Variants in MGA observed in about 807,000 individuals in gnomAD.
MGA encodes the protein MAX dimerization protein MGA.
In MGA, 40 loss-of-function variants were observed where a neutral mutation model predicts 261.1. The ratio of observed to expected loss-of-function variants is 0.15; its 90% CI spans 0.12 to 0.20. MGA has a LOEUF of 0.20. MGA is among the 10% of genes least tolerant of loss of function. The probability of loss-of-function intolerance (pLI) is 1.00; values close to 1 mark genes in which losing one functional copy is unlikely to be tolerated. For synonymous variants in MGA, 1,302 were observed against 1,290.6 expected, an observed-to-expected ratio of 1.01 and a Z score of -0.19; for missense variants, 3,397 against 3,630.5, an observed-to-expected ratio of 0.94 and a Z score of 1.65.
chr15:41,633,283 G>A (rs1365727222), intron 1 of MGA, among the ~76,000 whole-genome samples: 1 of 151,604 alleles, frequency 6.6e-6, no homozygotes, highest in African/African-American at 2.4e-5. Context: ...ATTACTATAT[G>A]CCAGGCATTG....
chr15:41,655,264 C>T (rs908664406), intron 1 of MGA, among the ~76,000 whole-genome samples: 3 of 151,454 alleles, frequency 2.0e-5, no homozygotes, highest in South Asian at 2.1e-4. Context: ...CTGCAACCTC[C>T]GCCTCCTGAG....
chr15:41,750,234 G>C lies in MGA; in HGVS notation c.6627G>C (p.Gln2209His), dbSNP rs751578848. ...TAATTAAAGAAACAAAGACATGTCA[G>C]GAAAATTCAGATGTGTTTCAGCAAG... Residue 2209 changes from glutamine (Q) to histidine (H), a missense_variant, in exon 17 of 24, where the codon CAG becomes CAC. Gln to His is a conservative substitution (Grantham distance 24). This residue lies in a region of MGA where 1,410 missense variants were observed against 1,386.4 expected (regional missense o/e 1.02). Transcript: ENST00000219905. The C allele has an allele frequency of 1.2e-6, 2 of 1,613,808 alleles. No individual in the cohort carries two copies. The highest frequency in any genetic ancestry group is 1.7e-6 in the Non-Finnish European group (2 of 1,179,890).
At chr15:41,703,368 A>ATCCC (rs529304989) in intron 5 of MGA, among the ~76,000 whole-genome samples, 1 of 93,250 alleles carries the variant, frequency 1.1e-5, no homozygotes, top group Non-Finnish European at 2.1e-5. Context: ...TTGTGAAGTT[A>ATCCC]CCCCCCCCCC....
At chr15:41,716,758 C>T (rs1037496905) in intron 9 of MGA, among the ~76,000 whole-genome samples, 1 of 152,056 alleles carries the variant, frequency 6.6e-6, no homozygotes, top group Non-Finnish European at 1.5e-5. Flanking sequence ...CACTGCAACA[C>T]TGGGTATGAT....
intron 1 of MGA, among the ~76,000 whole-genome samples, chr15:41,652,011 G>T (rs1320600907): frequency 1.1e-5 from 1 of 91,784 alleles, no homozygotes; most frequent in African/African-American, 4.6e-5. Flanking sequence ...CTGTCACCCA[G>T]ACTGGAGTGC....
intron 2 of MGA, among the ~76,000 whole-genome samples, chr15:41,685,720 G>T (rs1370071970): frequency 6.6e-6 from 1 of 152,174 alleles, no homozygotes; most frequent in Non-Finnish European, 1.5e-5. Context: ...TTGGCTGGAC[G>T]TGGTGGCTCA....
chr15:41,765,825 T>A (rs2063769048), intron 23 of MGA, among the ~76,000 whole-genome samples, 179 bp from the exon 24 acceptor site: 1 of 152,228 alleles, frequency 6.6e-6, no homozygotes, highest in Non-Finnish European at 1.5e-5. Flanking sequence ...TTGAGATTTT[T>A]CTTGTTGGGT....
rs1375488791 is a variant in MGA at position 41,669,219 on chromosome 15, C to T, written c.325C>T (p.Arg109Cys). ...AGGAAGACGCATGTTTCCTTACTGT[C>T]GTTATTGGATAACAGGTTTAGATTC... Residue 109 changes from arginine to cysteine, a missense_variant, in exon 2 of 24, where the codon CGT becomes TGT. This residue lies in a region of MGA where 104 missense variants were observed against 212.9 expected (regional missense o/e 0.49). Coordinates refer to ENST00000219905, the MANE Select transcript of MGA (RefSeq NM_001164273.2). The T allele has an allele frequency of 1.2e-6, 2 of 1,613,784 alleles. No individual in the cohort carries two copies. The highest frequency in any genetic ancestry group is 1.7e-6 in the Non-Finnish European group (2 of 1,179,866).
intron 1 of MGA, among the ~76,000 whole-genome samples, chr15:41,650,196 T>C (rs563487140): frequency 7.6e-4 from 115 of 152,304 alleles, no homozygotes; most frequent in African/African-American, 2.7e-3. Context: ...CTTTTGAGGG[T>C]AGGAATCATG....
chr15:41,644,490 T>C (rs1240816581), intron 1 of MGA, among the ~76,000 whole-genome samples: 3 of 151,724 alleles, frequency 2.0e-5, no homozygotes, highest in African/African-American at 7.3e-5. Flanking sequence ...ACCCTGTCTC[T>C]ACTAAAAATA....
intron 9 of MGA, among the ~76,000 whole-genome samples, chr15:41,723,071 C>A (rs77836225): frequency 2.0e-5 from 3 of 152,050 alleles, no homozygotes; most frequent in African/African-American, 7.2e-5. Flanking sequence ...ATGAGGAGAC[C>A]ATTTCTTTGT....
At chr15:41,676,648 A>G (rs567309094) in intron 2 of MGA, among the ~76,000 whole-genome samples, 120 of 152,054 alleles carry the variant, frequency 7.9e-4, no homozygotes, top group Non-Finnish European at 1.4e-3. Flanking sequence ...GTGTTGATGG[A>G]CCTTGAAATT....
At chr15:41,729,051 A>G in intron 10 of MGA, 113 bp from the exon 11 acceptor site, 1 of 1,064,762 alleles carries the variant, frequency 9.4e-7, no homozygotes, top group Non-Finnish European at 1.4e-6. Flanking sequence ...GAAAGTTTGC[A>G]TTAAAAAATT....
intron 2 of MGA, among the ~76,000 whole-genome samples, chr15:41,681,894 A>G (rs1384243276): frequency 2.6e-5 from 4 of 152,176 alleles, no homozygotes; most frequent in African/African-American, 9.6e-5. Flanking sequence ...GTTTATATGT[A>G]CTGGTGCTTA....
At position 41,669,264 on chromosome 15, in the gene MGA, G is replaced by A. The variant is rs2057923596; in HGVS notation, c.370G>A (p.Val124Ile). ...AGATTCAAATTTGAAGTATATTCTT[G>A]TCATGGATATATCTCCTGTGGATAA... Residue 124 changes from valine to isoleucine, a missense_variant, in exon 2 of 24, where the codon GTC becomes ATC. Transcript: ENST00000219905. 2.4e-5 allele frequency: 38 copies of A among 1,613,952 alleles called. No individual in the cohort carries two copies. The highest frequency in any genetic ancestry group is 3.1e-5 in the Non-Finnish European group (37 of 1,179,862).
chr15:41,714,139 A>G lies in MGA; in HGVS notation c.3430+643A>G, dbSNP rs574811854. Among the ~76,000 whole-genome samples the G allele has an allele frequency of 4.5e-4, 68 of 152,322 alleles. No individual in the cohort carries two copies. The South Asian group carries it at 0.011, about 24-fold the overall frequency. The stretch of plus-strand genomic sequence containing the variant: ...ATTGAAACAGGTTTCTTAGTTTATC[A>G]GGGGATTAATACTCCTTTTCTTGGC... On this transcript the variant is annotated intron_variant, in intron 9 of 23. Transcript: ENST00000219905.
intron 10 of MGA, among the ~76,000 whole-genome samples, chr15:41,728,422 CA>C (rs2061356107): frequency 6.6e-6 from 1 of 152,146 alleles, no homozygotes; most frequent in Non-Finnish European, 1.5e-5. Context: ...TCAACTCCCC[CA>C]AAACTGAACT....
chr15:41,721,712 A>G (rs192257096), intron 9 of MGA, among the ~76,000 whole-genome samples: 166 of 152,336 alleles, frequency 1.1e-3, no homozygotes, highest in Middle Eastern at 3.4e-3. Context: ...AATACCAACT[A>G]TTGATAAAGA....
At chr15:41,731,168 A>G (rs1324813808) in intron 11 of MGA, among the ~76,000 whole-genome samples, 2 of 152,194 alleles carry the variant, frequency 1.3e-5, no homozygotes, top group Non-Finnish European at 2.9e-5. Flanking sequence ...TGTAAATTAT[A>G]TATCATTTAG....
Sources: allele counts gnomAD v4.1 joint callset (sites outside exome capture counted in the v4.1 genomes callset), GRCh38; gene constraint gnomAD v4.1.1; regional missense constraint gnomAD v4.1.1; transcripts MANE v1.5; gene names NCBI Gene and HGNC (gene_info 2026-07-23, HGNC 2026-07-21).